Variants in MYO19 observed in about 807,000 individuals in gnomAD.
MYO19 encodes the protein myosin XIX, also known as unconventional myosin-XIX.
Under a neutral mutation model 129.2 loss-of-function variants are expected in MYO19, and 132 were observed. That is an observed-to-expected ratio of 1.02 (90% CI 0.89 to 1.18). The LOEUF is 1.18. Among genes scored for constraint, MYO19 ranks in the 50% most tolerant of loss-of-function variants. The pLI is 0.00. For synonymous variants in MYO19, 531 were observed against 477.2 expected (o/e 1.11, Z -1.47); for missense variants, 1,210 against 1,216.7 (o/e 0.99, Z 0.08).
chr17:36,530,659 C>T (rs1443932099), intron 3 of MYO19, among the ~76,000 whole-genome samples: 3 of 151,054 alleles, frequency 2.0e-5, no homozygotes, highest in Non-Finnish European at 4.4e-5. Context: ...CTCGCTCTAT[C>T]GCCCAGGCTG....
At chr17:36,507,967 A>T (rs746591764) in intron 14 of MYO19, 43 bp from the exon 15 acceptor site, 1 of 1,546,548 alleles carries the variant, frequency 6.5e-7, no homozygotes, top group African/African-American at 1.4e-5. Context: ...TGCAGGGAGC[A>T]GATGGGGAAT....
chr17:36,535,447 C>CCCGGAAGTGCCAGCTGCCTGCGTCGG (rs1325567525), upstream of MYO19: 3 of 152,398 alleles, frequency 2.0e-5, no homozygotes, highest in Admixed American at 2.0e-4. Context: ...AATCGGCCGG[C>CCCGGAAGTGCCAGCTGCCTGCGTCGG]CCGGAAGTGC....
intron 7 of MYO19, among the ~76,000 whole-genome samples, 184 bp downstream of exon 7, chr17:36,515,674 T>A (rs2072695763): frequency 6.6e-6 from 1 of 152,156 alleles, no homozygotes; most frequent in South Asian, 2.1e-4. Context: ...CTGAATGACA[T>A]GACCTCTGTT....
intron 6 of MYO19, among the ~76,000 whole-genome samples, chr17:36,524,630 A>G (rs1463937322): frequency 1.3e-5 from 2 of 152,184 alleles, no homozygotes; most frequent in African/African-American, 4.8e-5. Context: ...ACCTGGCCCA[A>G]TATACTGCCC....
chr17:36,502,876 T>G, intron 21 of MYO19: 1 of 579,208 alleles, frequency 1.7e-6, no homozygotes, highest in Non-Finnish European at 3.1e-6. Flanking sequence ...CCTTCCCCAA[T>G]TCACACCTCC....
Position 36,503,950 on chromosome 17 carries a change from C to A in MYO19, c.1976G>T (p.Arg659Leu), listed in dbSNP as rs751925536. The change falls in exon 20 of 26, where the codon CGG (arginine) becomes CTG (leucine). Residue 659 changes from arginine (R) to leucine (L), a missense_variant and splice_region_variant. Physicochemically the swap from Arg to Leu is moderately radical, Grantham distance 102. Coordinates refer to ENST00000614623, the MANE Select transcript of MYO19 (RefSeq NM_001163735.2). The stretch of plus-strand genomic sequence containing the variant: ...CTGTGCCGTGATCGAGCCCACTCAC[C>A]GGATGGGGAAGCCAGCAGCACTGAT... ...IHISAAGFPI[R>L]VSHRNFVERY... 6.3e-7 allele frequency: 1 copy of A among 1,588,988 alleles called. No homozygotes were observed. Among genetic ancestry groups the A allele is most frequent in the Admixed American group, 1.8e-5 (1 of 56,222 alleles).
chr17:36,500,826 C>T lies in MYO19; in HGVS notation c.2377+4G>A, dbSNP rs267604822. On this transcript the variant is annotated splice_donor_region_variant and intron_variant, in intron 23 of 25. Transcript: ENST00000614623. ...CAGTGCTGACAGGTGACCTGCCCAC[C>T]TACCTGCCTGGATGAGCATGACGGC... is the stretch of plus-strand genomic sequence containing the variant. The T allele has an allele frequency of 6.3e-7, 1 of 1,597,974 alleles. No homozygotes were observed. The highest frequency in any genetic ancestry group is 8.5e-7 in the Non-Finnish European group (1 of 1,176,720).
chr17:36,540,104 G>A (rs898126866), intron 2 of MYO19, among the ~76,000 whole-genome samples: 4 of 152,088 alleles, frequency 2.6e-5, no homozygotes, highest in East Asian at 3.9e-4. Context: ...TGGAGAGGCA[G>A]GCAGGGGCCA....
chr17:36,527,758 G>A, intron 4 of MYO19, 59 bp from the exon 5 acceptor site: 1 of 1,534,818 alleles, frequency 6.5e-7, no homozygotes, highest in Non-Finnish European at 8.8e-7. Context: ...CACACACACA[G>A]ACACACATCT....
intron 25 of MYO19, 101 bp downstream of exon 25, chr17:36,498,165 G>T: frequency 7.4e-7 from 1 of 1,351,858 alleles, no homozygotes. Context: ...GTTAGGGATG[G>T]ATCTTGTCCC....
chr17:36,505,082 A>C, intron 19 of MYO19: 1 of 749,114 alleles, frequency 1.3e-6, no homozygotes, highest in Non-Finnish European at 2.5e-6. Flanking sequence ...ATGCACTGGA[A>C]CTTGCCTCCC....
At chr17:36,512,920 G>A (rs1233969775) in intron 11 of MYO19, 4 of 906,602 alleles carry the variant, frequency 4.4e-6, no homozygotes, top group Non-Finnish European at 5.8e-6. Context: ...CGGGTTGGGG[G>A]AAGACAGAGA....
Position 36,532,596 on chromosome 17 carries a change from C to T in MYO19, c.-58G>A. On this transcript the variant is annotated 5_prime_UTR_variant, in exon 3 of 26. It introduces an in-frame stop codon into an upstream open reading frame of the 5' UTR. Transcript: ENST00000614623. Reference sequence around the variant, plus strand: ...TTGCAGGAGGTACAAGGAGTACTATCCACCTAGTCATGGGACCATGGGCTG... The same window carrying T: ...TTGCAGGAGGTACAAGGAGTACTATTCACCTAGTCATGGGACCATGGGCTG... The T allele has an allele frequency of 1.3e-6, 2 of 1,547,780 alleles. No homozygotes were observed. Among genetic ancestry groups the T allele is most frequent in the Non-Finnish European group, 1.7e-6 (2 of 1,143,522 alleles).
chr17:36,514,990 G>C lies in MYO19; in HGVS notation c.617+123C>G, dbSNP rs1318987729. 3.9e-6 allele frequency: 3 copies of C among 766,990 alleles called. No homozygotes were observed. The East Asian group carries it at 8.3e-5, about 21-fold the overall frequency. The allele number at this position is 766,990 out of a possible 1,614,324, so 47.5% of individuals were successfully genotyped here. On this transcript the variant is annotated intron_variant, in intron 8 of 25. Coordinates refer to ENST00000614623, the MANE Select transcript of MYO19 (RefSeq NM_001163735.2). ...CCTCAGAGCTCACACCTGAGGTAAA[G>C]GGCATGCACCAGGAGGAGCAGGGTT...
chr17:36,507,951 G>T, intron 14 of MYO19, 27 bp from the exon 15 acceptor site: 1 of 1,573,404 alleles, frequency 6.4e-7, no homozygotes, highest in South Asian at 1.2e-5. Context: ...GAACCCATGG[G>T]GCCACTGCAG....
upstream of MYO19, among the ~76,000 whole-genome samples, chr17:36,543,786 G>A (rs1468596714): frequency 2.0e-5 from 3 of 151,942 alleles, no homozygotes; most frequent in African/African-American, 7.3e-5. Context: ...CACCACGCCC[G>A]GCTAATTTTT....
At chr17:36,502,905 T>A (rs1157535574) in intron 21 of MYO19, 192 bp downstream of exon 21, 1 of 609,328 alleles carries the variant, frequency 1.6e-6, no homozygotes, top group Admixed American at 2.9e-5. Context: ...ACCCACAGCA[T>A]CCTGCTCATA....
At chr17:36,534,499 TC>T (rs538880113) in intron 1 of MYO19, among the ~76,000 whole-genome samples, 173 of 151,450 alleles carry the variant, frequency 1.1e-3, no homozygotes, top group African/African-American at 4.2e-3. Context: ...AAGGACCCTC[TC>T]CCCCCAGGCC....
chr17:36,531,685 G>A (rs1452974806), intron 3 of MYO19, among the ~76,000 whole-genome samples: 1 of 151,982 alleles, frequency 6.6e-6, no homozygotes, highest in Non-Finnish European at 1.5e-5. Flanking sequence ...CCTGTTCCAG[G>A]AGCCATATGG....
Sources: gnomAD v4.1 joint callset for allele counts (sites outside exome capture counted in the v4.1 genomes callset) on GRCh38, gnomAD v4.1.1 for gene constraint, MANE v1.5 for transcripts, NCBI Gene and HGNC (gene_info 2026-07-23, HGNC 2026-07-21) for gene names.